Variants in CPEB4 observed in about 807,000 individuals in gnomAD.
CPEB4 encodes cytoplasmic polyadenylation element-binding protein 4.
CPEB4 carries 12 observed loss-of-function variants against 72.5 expected under a neutral mutation model. That is an observed-to-expected ratio of 0.17 (90% confidence interval 0.11 to 0.27). The LOEUF (loss-of-function observed/expected upper bound fraction) is 0.27. Among genes scored for constraint, CPEB4 ranks in the 10% least tolerant of loss-of-function variants. The pLI, the probability that CPEB4 is intolerant of heterozygous loss-of-function variation, is 1.00. For missense variants in CPEB4, 614 were observed against 908.5 expected (o/e 0.68, Z 4.17); for synonymous variants, 302 against 326.3 (o/e 0.93, Z 0.80).
intron 2 of CPEB4, among the ~76,000 whole-genome samples, chr5:173,917,090 GA>G (rs912146098): frequency 6.6e-6 from 1 of 152,152 alleles, no homozygotes; most frequent in Admixed American, 6.5e-5. Flanking sequence ...TGTGCAGGCT[GA>G]AATAGCTCTG....
chr5:173,958,261 A>G lies in CPEB4; in HGVS notation c.*2124A>G, dbSNP rs563868789. ...ACTTATTTTGTCATGCACATAATGT[A>G]TATTTGTTATGCACTACTTTTGTAT... On this transcript the variant is annotated 3_prime_UTR_variant, in exon 10 of 10. Coordinates refer to ENST00000265085, the MANE Select transcript of CPEB4 (RefSeq NM_030627.4). The G allele has an allele frequency of 6.5e-6, 1 of 152,842 alleles. No individual in the cohort carries two copies. The highest frequency in any genetic ancestry group is 2.1e-4 in the South Asian group (1 of 4,832). The allele number at this position is 152,842 out of a possible 1,614,324, so 9.5% of individuals were successfully genotyped here. A position where few individuals can be genotyped will look rare whatever the true frequency, so the allele number is the denominator to read the frequency against.
intron 2 of CPEB4, among the ~76,000 whole-genome samples, chr5:173,916,591 T>G (rs1282197233): frequency 6.6e-6 from 1 of 152,220 alleles, no homozygotes; most frequent in Non-Finnish European, 1.5e-5. Context: ...TTTAAAACAC[T>G]TTCATATTTT....
chr5:173,910,676 C>T (rs1177625913), intron 2 of CPEB4, 72 bp downstream of exon 2: 2 of 945,980 alleles, frequency 2.1e-6, no homozygotes, highest in Admixed American at 1.8e-5. Flanking sequence ...TAATCTGATA[C>T]ACAGTATGGC....
chr5:173,894,193 C>T (rs149545411), intron 1 of CPEB4, among the ~76,000 whole-genome samples: 2,120 of 151,560 alleles, frequency 0.014, 54 homozygotes, highest in African/African-American at 0.047. Context: ...CAGGGTTTCA[C>T]CATGTTGTCC....
At chr5:173,917,506 G>A (rs1756913360) in intron 2 of CPEB4, among the ~76,000 whole-genome samples, 1 of 152,188 alleles carries the variant, frequency 6.6e-6, no homozygotes, top group African/African-American at 2.4e-5. Context: ...GGCCAAGGTG[G>A]GTGGATCACC....
At chr5:173,928,658 A>G (rs1276973160) in intron 2 of CPEB4, among the ~76,000 whole-genome samples, 3 of 152,192 alleles carry the variant, frequency 2.0e-5, no homozygotes, top group Non-Finnish European at 4.4e-5. Flanking sequence ...AGCTATAGAA[A>G]CTTACACCAA....
chr5:173,937,416 C>G (rs764665633), intron 3 of CPEB4, among the ~76,000 whole-genome samples: 1 of 152,016 alleles, frequency 6.6e-6, no homozygotes. Context: ...AGAAATCTAT[C>G]AAAAAGGAAG....
At chr5:173,923,375 TTCTC>T (rs1434847925) in intron 2 of CPEB4, among the ~76,000 whole-genome samples, 2 of 152,202 alleles carry the variant, frequency 1.3e-5, no homozygotes, top group African/African-American at 4.8e-5. Context: ...CTCTTGTGGC[TTCTC>T]TCTCTTATCT....
intron 2 of CPEB4, among the ~76,000 whole-genome samples, chr5:173,918,688 C>T (rs1431200539): frequency 5.3e-5 from 8 of 152,196 alleles, no homozygotes; most frequent in African/African-American, 1.7e-4. Context: ...ATAACACATA[C>T]TAGTCAATCG....
chr5:173,895,730 G>A (rs1435043321), intron 1 of CPEB4, among the ~76,000 whole-genome samples: 1 of 152,152 alleles, frequency 6.6e-6, no homozygotes, highest in African/African-American at 2.4e-5. Flanking sequence ...TAGCAGAACT[G>A]ACATATTGGA....
intron 5 of CPEB4, among the ~76,000 whole-genome samples, chr5:173,945,421 G>A (rs768965257): frequency 1.3e-5 from 2 of 152,186 alleles, no homozygotes; most frequent in Non-Finnish European, 2.9e-5. Flanking sequence ...GCATACATGG[G>A]TACTAACTGC....
chr5:173,919,435 G>A (rs1048410481), intron 2 of CPEB4, among the ~76,000 whole-genome samples: 2 of 152,142 alleles, frequency 1.3e-5, no homozygotes, highest in Non-Finnish European at 2.9e-5. Context: ...TATTTATGGG[G>A]ATACATGTCA....
intron 6 of CPEB4, 37 bp from the exon 7 acceptor site, chr5:173,949,923 G>T (rs1758158016): frequency 7.1e-7 from 1 of 1,413,334 alleles, no homozygotes. Context: ...CCAAAAAATA[G>T]GAAAACATGT....
At chr5:173,897,116 A>G (rs1581108000) in intron 1 of CPEB4, among the ~76,000 whole-genome samples, 3 of 152,342 alleles carry the variant, frequency 2.0e-5, no homozygotes, top group Admixed American at 2.0e-4. Context: ...GCTTTATTGA[A>G]TAAGCTATAG....
intron 3 of CPEB4, among the ~76,000 whole-genome samples, chr5:173,941,234 C>T (rs1033637516): frequency 3.3e-5 from 5 of 152,150 alleles, no homozygotes; most frequent in East Asian, 1.9e-4. Context: ...ATAGAATGTT[C>T]GTAAACAAGC....
chr5:173,930,692 T>A (rs754916450), intron 2 of CPEB4, among the ~76,000 whole-genome samples: 1 of 152,050 alleles, frequency 6.6e-6, no homozygotes. Flanking sequence ...GTTTTAAAAT[T>A]GTAGGAAAAT....
intron 5 of CPEB4, among the ~76,000 whole-genome samples, chr5:173,947,493 G>A (rs532726490): frequency 7.8e-4 from 118 of 152,246 alleles, no homozygotes; most frequent in African/African-American, 2.6e-3. Context: ...GAAGGTAGAG[G>A]AGGCTATAGG....
At chr5:173,933,226 T>C (rs1311515547) in intron 3 of CPEB4, among the ~76,000 whole-genome samples, 1 of 152,236 alleles carries the variant, frequency 6.6e-6, no homozygotes, top group Non-Finnish European at 1.5e-5. Context: ...ATGTCTTCCA[T>C]TTGTCAAAGC....
At chr5:173,924,774 A>G (rs1757185346) in intron 2 of CPEB4, among the ~76,000 whole-genome samples, 1 of 152,216 alleles carries the variant, frequency 6.6e-6, no homozygotes. Flanking sequence ...TCCATGGCAG[A>G]GAGATCATCA....
Sources: gnomAD v4.1 joint callset for allele counts (sites outside exome capture counted in the v4.1 genomes callset) on GRCh38, gnomAD v4.1.1 for gene constraint, MANE v1.5 for transcripts, NCBI Gene and HGNC (gene_info 2026-07-23, HGNC 2026-07-21) for gene names.